INPP5B: variants seen among roughly 807,000 people sequenced by gnomAD.
INPP5B encodes inositol polyphosphate-5-phosphatase B.
Under a neutral mutation model 118.5 loss-of-function variants are expected in INPP5B, and 90 were observed. The observed-to-expected ratio is 0.76, with a 90% confidence interval of 0.64 to 0.90. INPP5B has a LOEUF of 0.90. Among genes scored for constraint, INPP5B ranks in the 40% least tolerant of loss-of-function variants. The pLI, the probability that INPP5B is intolerant of heterozygous loss-of-function variation, is 0.00. For missense variants in INPP5B, 984 were observed against 1,125.6 expected, an observed-to-expected ratio of 0.87 and a Z score of 1.80; for synonymous variants, 385 against 418.9, an observed-to-expected ratio of 0.92 and a Z score of 0.99.
chr1:37,876,047 A>G (rs1642778923), intron 16 of INPP5B, among the ~76,000 whole-genome samples: 1 of 151,822 alleles, frequency 6.6e-6, no homozygotes. Flanking sequence ...GCTGCCACCA[A>G]CAGGCCAGCA....
At chr1:37,925,268 T>C (rs1046090154) in intron 7 of INPP5B, among the ~76,000 whole-genome samples, 1 of 151,706 alleles carries the variant, frequency 6.6e-6, no homozygotes, top group African/African-American at 2.4e-5. Context: ...AAAAGAAAAA[T>C]GTCCAGGCCT....
At chr1:37,886,751 C>G in intron 12 of INPP5B, 137 bp downstream of exon 12, 4 of 696,710 alleles carry the variant, frequency 5.7e-6, no homozygotes, top group Non-Finnish European at 7.7e-6. Flanking sequence ...CGACTGAGCC[C>G]TGCTTGAGGG....
intron 7 of INPP5B, among the ~76,000 whole-genome samples, chr1:37,919,991 C>T (rs1297681679): frequency 2.6e-5 from 4 of 152,146 alleles, no homozygotes; most frequent in African/African-American, 7.2e-5. Flanking sequence ...AGGCTTACTA[C>T]GTATTGAGCA....
chr1:37,940,618 A>G, intron 6 of INPP5B, 70 bp downstream of exon 6: 1 of 852,588 alleles, frequency 1.2e-6, no homozygotes, highest in Non-Finnish European at 2.0e-6. Flanking sequence ...AAGGGTGGAG[A>G]GTCAACTGGG....
rs1485924961 is a variant in INPP5B at position 37,943,688 on chromosome 1, G to A, written c.251-19C>T. On this transcript the variant is annotated intron_variant, in intron 4 of 23. Transcript: ENST00000373024. ...GGGGACACTGTGGGGAGGGAAATGA[G>A]AATGCCCTTAGCAATTGAGCTTACT... 2.5e-6 allele frequency: 4 copies of A among 1,614,012 alleles called. No homozygotes were observed. Among genetic ancestry groups the A allele is most frequent in the Middle Eastern group, 1.6e-4 (1 of 6,062 alleles).
rs1163835616 is a variant in INPP5B, at chr1:37,907,430, C to G, written c.533-15976G>C. Reference sequence around the variant, plus strand: ...AAGTTACAGAAGATGGATTTTCATCCCTTTGCAACCCTTATGATTAAGGGC... The same window carrying G: ...AAGTTACAGAAGATGGATTTTCATCGCTTTGCAACCCTTATGATTAAGGGC... On this transcript the variant is annotated intron_variant, in intron 7 of 23. Transcript: ENST00000373024. This position sits in a 1 kb window ranked among gnomAD's most constrained non-coding sequence, Gnocchi z 4.3. 6.6e-6 allele frequency among the ~76,000 whole-genome samples: 1 copy of G among 152,086 alleles called. No homozygotes were observed. Among genetic ancestry groups the G allele is most frequent in the Non-Finnish European group, 1.5e-5 (1 of 68,016 alleles).
chr1:37,892,249 C>T (rs1643871107), intron 7 of INPP5B, among the ~76,000 whole-genome samples: 1 of 152,084 alleles, frequency 6.6e-6, no homozygotes, highest in African/African-American at 2.4e-5. Context: ...CATAACATAG[C>T]GACTTCCACT....
rs1315217301 is a variant in INPP5B at position 37,946,975 on chromosome 1, G to A, written c.-27+15C>T. 2.0e-5 allele frequency: 3 copies of A among 152,490 alleles called. No individual in the cohort carries two copies. The allele number at this position is 152,490 out of a possible 1,614,324, so 9.4% of individuals were successfully genotyped here. The stretch of plus-strand genomic sequence containing the variant: ...GCTCTGCTCCCACCCACAGCTCCCT[G>A]ACATTGTCACCTACCTCCTGAGCTG... On this transcript the variant is annotated intron_variant, in intron 1 of 23. Coordinates refer to ENST00000373024, the MANE Select transcript of INPP5B (RefSeq NM_005540.3).
At chr1:37,923,919 A>T (rs764334672) in intron 7 of INPP5B, among the ~76,000 whole-genome samples, 1 of 151,770 alleles carries the variant, frequency 6.6e-6, no homozygotes, top group Non-Finnish European at 1.5e-5. Flanking sequence ...CGCAGATTAC[A>T]GACGCAAGCC....
rs776747694 is a variant in INPP5B at position 37,878,249 on chromosome 1, T to C, written c.1616A>G (p.Gln539Arg). The C allele has an allele frequency of 1.9e-6, 3 of 1,614,184 alleles. No individual in the cohort carries two copies. Among genetic ancestry groups the C allele is most frequent in the Non-Finnish European group, 2.5e-6 (3 of 1,180,020 alleles). The change falls in exon 16 of 24, where the codon CAG (glutamine) becomes CGG (arginine). Residue 539 changes from glutamine to arginine, a missense_variant. Coordinates refer to ENST00000373024, the MANE Select transcript of INPP5B (RefSeq NM_005540.3). ...ACTGGTCTTCAGGGCCATGTGGCTC[T>C]GGTAACTCAGCTGAGTGATGTTCTT... ...KGKNITQLSY[Q>R]SHMALKTSDH... is the part of the protein sequence containing the mutation.
Position 37,880,174 on chromosome 1 carries a change from T to A in INPP5B, c.1452A>T (p.Ala484=). 1.2e-6 allele frequency: 2 copies of A among 1,606,406 alleles called. No individual in the cohort carries two copies. Among genetic ancestry groups the A allele is most frequent in the Non-Finnish European group, 1.7e-6 (2 of 1,174,404 alleles). ...CTGTGAAGCCTTCAAAGACAGTCTT[T>A]GCGGCCACCTGAATTTTCAGCTATA... ...AYDQLKIQVA[A]KTVFEGFTEG... The change falls in exon 15 of 24, where the codon GCA becomes GCT. Residue 484 remains alanine (A), a synonymous_variant. Coordinates refer to ENST00000373024, the MANE Select transcript of INPP5B (RefSeq NM_005540.3).
rs1287598833 is a variant in INPP5B, at chr1:37,945,755, C to T, written c.152+1G>A. ...AGGTGGGGACCAAGCCCCTCACTCACGCGTGTTCCTGGCCGCCGTGCTCCA... is the reference window on the plus strand; with the variant it reads ...AGGTGGGGACCAAGCCCCTCACTCATGCGTGTTCCTGGCCGCCGTGCTCCA... On this transcript the variant is annotated splice_donor_variant, in intron 3 of 23. Coordinates refer to ENST00000373024, the MANE Select transcript of INPP5B (RefSeq NM_005540.3). LOFTEE classifies it high-confidence loss of function. 9.3e-6 allele frequency: 15 copies of T among 1,612,452 alleles called. No homozygotes were observed. In the Middle Eastern group the frequency reaches 6.6e-4, roughly 71 times the overall value.
intron 7 of INPP5B, among the ~76,000 whole-genome samples, chr1:37,904,249 C>G (rs1308486255): frequency 6.6e-6 from 1 of 151,964 alleles, no homozygotes; most frequent in Non-Finnish European, 1.5e-5. Context: ...CACTTGAACC[C>G]AGGAGGCAAA....
chr1:37,883,747 C>A lies in INPP5B; in HGVS notation c.1320-829G>T, dbSNP rs1643346454. 3.0e-6 allele frequency: 3 copies of A among 985,302 alleles called. No individual in the cohort carries two copies. The African/African-American group carries it at 5.2e-5, about 17-fold the overall frequency. The allele number at this position is 985,302 out of a possible 1,614,324, so 61.0% of individuals were successfully genotyped here. ...TGCTAGGCTCCCTGGAGAAGAAAAACCATCCTGTCAGCTTCCAGAACACCA... is the reference window on the plus strand; with the variant it reads ...TGCTAGGCTCCCTGGAGAAGAAAAAACATCCTGTCAGCTTCCAGAACACCA... On this transcript the variant is annotated intron_variant, in intron 13 of 23. Transcript: ENST00000373024.
chr1:37,916,550 G>A (rs1235910642), intron 7 of INPP5B, among the ~76,000 whole-genome samples: 6 of 151,854 alleles, frequency 4.0e-5, no homozygotes, highest in African/African-American at 1.5e-4. Context: ...CCGAGTAGCT[G>A]GGATTACAGG....
chr1:37,889,443 A>C, intron 9 of INPP5B, 114 bp downstream of exon 9: 3 of 748,928 alleles, frequency 4.0e-6, no homozygotes, highest in South Asian at 2.2e-5. Flanking sequence ...AAATGAGGGG[A>C]GAGATTCTAT....
intron 3 of INPP5B, among the ~76,000 whole-genome samples, chr1:37,945,505 G>A (rs1213637429): frequency 1.3e-5 from 2 of 152,230 alleles, no homozygotes; most frequent in Non-Finnish European, 2.9e-5. Flanking sequence ...TTTGGACCAC[G>A]AGGCTCAAGA....
intron 23 of INPP5B, among the ~76,000 whole-genome samples, chr1:37,863,967 A>G (rs553991890): frequency 3.4e-4 from 51 of 151,732 alleles, no homozygotes; most frequent in African/African-American, 1.2e-3. Flanking sequence ...GGCATGCACC[A>G]CCACACTCAG....
intron 8 of INPP5B, among the ~76,000 whole-genome samples, chr1:37,891,028 A>C (rs2127647): frequency 0.32 from 48,320 of 151,832 alleles, 8,820 homozygotes; most frequent in Non-Finnish European, 0.4. Context: ...CAAGTTCGAG[A>C]CCAGCCTGAC....
Sources: allele counts gnomAD v4.1 joint callset (sites outside exome capture counted in the v4.1 genomes callset), GRCh38; gene constraint gnomAD v4.1.1; non-coding constraint Gnocchi (gnomAD v3.1); transcripts MANE v1.5; gene names NCBI Gene and HGNC (gene_info 2026-07-23, HGNC 2026-07-21).